Variants in STON2 observed in about 807,000 individuals in gnomAD.
The protein encoded by STON2 is stonin-2.
A neutral mutation model predicts 65.7 loss-of-function variants in STON2; 29 were observed. The observed-to-expected ratio is 0.44, with a 90% CI of 0.33 to 0.60. STON2 has a LOEUF of 0.60. STON2 is among the 20% of genes least tolerant of loss of function. The probability of loss-of-function intolerance (pLI) is 0.03; values close to 1 mark genes in which losing one functional copy is unlikely to be tolerated. For missense variants in STON2, 1,054 were observed against 1,118.1 expected (o/e 0.94, Z 0.82); for synonymous variants, 404 against 414.2 (o/e 0.98, Z 0.30).
intron 5 of STON2, among the ~76,000 whole-genome samples, chr14:81,286,381 G>A (rs144415593): frequency 3.9e-5 from 6 of 152,058 alleles, no homozygotes; most frequent in Non-Finnish European, 8.8e-5. Context: ...TTAAGAAATC[G>A]TCACGGCCAT....
rs149510954 is a variant in STON2, at chr14:81,270,832, G to A, written c.2622C>T (p.Leu874=). ...TGGAAGGCACTTCCCGGTCAGAGCC[G>A]AGTTCAAGGTGGCAAAAGAAACAGT... The part of the protein sequence containing the change: ...HPHCFFCHLE[L]GSDREVPSRF... Residue 874 remains leucine, a synonymous_variant, in exon 7 of 8, where the codon CTC becomes CTT. Coordinates refer to ENST00000614646, the MANE Select transcript of STON2 (RefSeq NM_001394390.1). The A allele has an allele frequency of 2.2e-5, 35 of 1,613,626 alleles. No homozygotes were observed. The highest frequency in any genetic ancestry group is 1.7e-4 in the Middle Eastern group (1 of 5,732).
chr14:81,373,663 T>C (rs940677345), intron 3 of STON2, among the ~76,000 whole-genome samples: 4 of 152,128 alleles, frequency 2.6e-5, no homozygotes, highest in Non-Finnish European at 4.4e-5. Context: ...AAATCTCTTA[T>C]GAAGAAGGCA....
intron 3 of STON2, among the ~76,000 whole-genome samples, chr14:81,378,035 C>T (rs1047323062): frequency 2.6e-5 from 4 of 151,896 alleles, no homozygotes; most frequent in African/African-American, 7.3e-5. Flanking sequence ...TTAGTAGAGA[C>T]GGAGTTTCAC....
At chr14:81,323,022 A>G (rs1324185838) in intron 5 of STON2, among the ~76,000 whole-genome samples, 1 of 152,146 alleles carries the variant, frequency 6.6e-6, no homozygotes, top group Non-Finnish European at 1.5e-5. Flanking sequence ...AAAACCCCTT[A>G]GCTTAGCATC....
At chr14:81,289,741 G>C (rs1025956265) in intron 5 of STON2, among the ~76,000 whole-genome samples, 1 of 152,316 alleles carries the variant, frequency 6.6e-6, no homozygotes. Context: ...GCTCCTCGGG[G>C]CTGCACTTTG....
At position 81,265,751 on chromosome 14, in the gene STON2, C is replaced by T; in HGVS notation, c.*2663G>A. On this transcript the variant is annotated 3_prime_UTR_variant, in exon 8 of 8. Coordinates refer to ENST00000614646, the MANE Select transcript of STON2 (RefSeq NM_001394390.1). Reference sequence around the variant, plus strand: ...AGCATAGAAGGGATTTTTCCCAACTCTTGGTAAAAAAAACAAAAAAGTCCA... The same window carrying T: ...AGCATAGAAGGGATTTTTCCCAACTTTTGGTAAAAAAAACAAAAAAGTCCA... 1.0e-6 allele frequency: 1 copy of T among 976,668 alleles called. No homozygotes were observed. Among genetic ancestry groups the T allele is most frequent in the Non-Finnish European group, 1.2e-6 (1 of 825,178 alleles). The allele number at this position is 976,668 out of a possible 1,614,324, so 60.5% of individuals were successfully genotyped here. A position where few individuals can be genotyped will look rare whatever the true frequency, so the allele number is the denominator to read the frequency against.
chr14:81,379,409 A>G (rs758413262), intron 3 of STON2, among the ~76,000 whole-genome samples: 1 of 152,132 alleles, frequency 6.6e-6, no homozygotes, highest in Non-Finnish European at 1.5e-5. Flanking sequence ...ATATATGGAG[A>G]TATATATATG....
Position 81,265,668 on chromosome 14 carries a change from A to ATAC in STON2, c.*2745_*2746insGTA, listed in dbSNP as rs1456859173. 3.4e-6 allele frequency: 2 copies of ATAC among 582,726 alleles called. No homozygotes were observed. Among genetic ancestry groups the ATAC allele is most frequent in the East Asian group, 2.8e-4 (2 of 7,226 alleles). 36.1% of individuals were successfully genotyped at this position (582,726 alleles called of 1,614,324 possible). A position where few individuals can be genotyped will look rare whatever the true frequency, so the allele number is the denominator to read the frequency against. Reference sequence around the variant, plus strand: ...CTCAGTAATAATAATAATAATAATAATAATAATACTCTGTCTCAATAATAA... The same window carrying ATAC: ...CTCAGTAATAATAATAATAATAATAATACTAATAATACTCTGTCTCAATAATAA... On this transcript the variant is annotated 3_prime_UTR_variant, in exon 8 of 8. Transcript: ENST00000614646.
intron 3 of STON2, among the ~76,000 whole-genome samples, chr14:81,381,823 T>C (rs2140396910): frequency 1.3e-5 from 2 of 152,280 alleles, no homozygotes; most frequent in East Asian, 3.9e-4. Flanking sequence ...ATCCTACTTT[T>C]TTATACAAGA....
chr14:81,327,522 T>C (rs1485102978), intron 4 of STON2, among the ~76,000 whole-genome samples: 2 of 152,154 alleles, frequency 1.3e-5, no homozygotes, highest in Non-Finnish European at 2.9e-5. Flanking sequence ...CGTACTTCCA[T>C]CAAGAGGCAA....
intron 1 of STON2, chr14:81,436,279 G>A (rs1407323350): frequency 6.6e-6 from 1 of 151,634 alleles, no homozygotes; most frequent in African/African-American, 2.4e-5. Flanking sequence ...CCCCTCTTGG[G>A]GGGCGCGCTC....
chr14:81,356,177 G>A (rs7159591), intron 4 of STON2, among the ~76,000 whole-genome samples: 10,396 of 152,116 alleles, frequency 0.068, 1,259 homozygotes, highest in African/African-American at 0.24. Flanking sequence ...TTTGAGATAC[G>A]TCCTATCAAT....
chr14:81,401,450 A>T (rs1900609989), upstream of STON2, among the ~76,000 whole-genome samples: 1 of 152,192 alleles, frequency 6.6e-6, no homozygotes, highest in Admixed American at 6.5e-5. Context: ...AATCCATAAA[A>T]TGGATTTTAG....
At chr14:81,326,327 C>T (rs1897003171) in intron 4 of STON2, among the ~76,000 whole-genome samples, 1 of 152,130 alleles carries the variant, frequency 6.6e-6, no homozygotes, top group Non-Finnish European at 1.5e-5. Context: ...AGAGACACAA[C>T]AGTAAATCTA....
In STON2 at chr14:81,267,401, C is replaced by A. The variant is rs1026774191; in HGVS notation, c.*1013G>T. ...AGCTCATTCAAGCTTAATTTTAAAA[C>A]AGCTTTAAAAATTATCTTTGCAGCT... On this transcript the variant is annotated 3_prime_UTR_variant, in exon 8 of 8. Transcript: ENST00000614646. The A allele has an allele frequency of 4.1e-6, 4 of 985,262 alleles. No homozygotes were observed. The African/African-American group carries it at 7.0e-5, about 17-fold the overall frequency. 61.0% of individuals were successfully genotyped at this position (985,262 alleles called of 1,614,324 possible). A position where few individuals can be genotyped will look rare whatever the true frequency, so the allele number is the denominator to read the frequency against.
chr14:81,412,899 C>T, intron 2 of STON2: 2 of 591,526 alleles, frequency 3.4e-6, no homozygotes, highest in African/African-American at 2.3e-5. Flanking sequence ...ATGGCAGCTC[C>T]AGCCGGGCGA....
chr14:81,417,526 T>C (rs915168398), intron 2 of STON2, among the ~76,000 whole-genome samples: 6 of 152,174 alleles, frequency 3.9e-5, no homozygotes, highest in Admixed American at 1.3e-4. Flanking sequence ...CCATAGTATC[T>C]GAGGTAAGGG....
intron 3 of STON2, among the ~76,000 whole-genome samples, chr14:81,381,761 T>C (rs1899529923): frequency 6.6e-6 from 1 of 152,194 alleles, no homozygotes; most frequent in Non-Finnish European, 1.5e-5. Context: ...AAATGGCTTG[T>C]TGTTATCTGA....
intron 4 of STON2, among the ~76,000 whole-genome samples, chr14:81,335,117 C>T (rs999182617): frequency 7.9e-5 from 12 of 151,922 alleles, no homozygotes; most frequent in African/African-American, 2.4e-4. Context: ...CCACCTGCTT[C>T]GGCCTCCCAA....
Sources: allele counts gnomAD v4.1 joint callset (sites outside exome capture counted in the v4.1 genomes callset), GRCh38; gene constraint gnomAD v4.1.1; transcripts MANE v1.5; gene names NCBI Gene and HGNC (gene_info 2026-07-23, HGNC 2026-07-21).